NRXN3: variants seen among roughly 807,000 people sequenced by gnomAD.
NRXN3 encodes the protein neurexin III.
NRXN3 carries 32 observed loss-of-function variants against 137.6 expected under a neutral mutation model. The ratio of observed to expected loss-of-function variants is 0.23; its 90% confidence interval spans 0.18 to 0.31. The LOEUF (loss-of-function observed/expected upper bound fraction) is 0.31, where lower values mean the gene tolerates loss of function less well. Among genes scored for constraint, NRXN3 ranks in the 10% least tolerant of loss-of-function variants. NRXN3 has a pLI of 1.00. For synonymous variants in NRXN3, 798 were observed against 784.5 expected, an observed-to-expected ratio of 1.02 and a Z score of -0.29; for missense variants, 1,574 against 2,062.5, an observed-to-expected ratio of 0.76 and a Z score of 4.59.
chr14:78,661,234 G>C (rs1027622833), intron 6 of NRXN3, among the ~76,000 whole-genome samples: 4 of 152,162 alleles, frequency 2.6e-5, no homozygotes, highest in Admixed American at 6.5e-5. Context: ...CACTAATTAA[G>C]AGCACTAAGA....
chr14:78,526,771 C>A (rs1223027583), intron 4 of NRXN3: 2 of 517,560 alleles, frequency 3.9e-6, no homozygotes, highest in Non-Finnish European at 7.7e-6. Context: ...GACAGGAAAG[C>A]TGAGTTGGAC....
At chr14:78,234,110 G>A (rs2065849058) in intron 1 of NRXN3, among the ~76,000 whole-genome samples, 1 of 152,186 alleles carries the variant, frequency 6.6e-6, no homozygotes, top group South Asian at 2.1e-4. Flanking sequence ...CTGCCCCAAT[G>A]TAAGATGTCC....
intron 2 of NRXN3, among the ~76,000 whole-genome samples, chr14:78,246,443 C>A (rs993415897): frequency 2.0e-5 from 3 of 152,104 alleles, no homozygotes; most frequent in Non-Finnish European, 2.9e-5. Flanking sequence ...CTGTAGAAGG[C>A]AAACACACAT....
chr14:78,798,310 A>G (rs1379805354), intron 8 of NRXN3, among the ~76,000 whole-genome samples: 1 of 152,222 alleles, frequency 6.6e-6, no homozygotes, highest in Non-Finnish European at 1.5e-5. Flanking sequence ...TACAGGCTCC[A>G]TTCAAGTCCC....
At position 78,403,804 on chromosome 14, in the gene NRXN3, C is replaced by A. The variant is rs180818834; in HGVS notation, c.757+105944C>A. On this transcript the variant is annotated intron_variant, in intron 4 of 20. Transcript: ENST00000335750. ...GTCCCTCTCTTCGTTGTTTCTGCCC[C>A]CTGAGGTTGTGCTTTCTCAGGGATA... The A allele has an allele frequency of 8.8e-3, 8,718 of 985,398 alleles. 44 individuals carry two copies. The highest frequency in any genetic ancestry group is 0.011 in the Admixed American group (173 of 16,268). The allele number at this position is 985,398 out of a possible 1,614,324, so 61.0% of individuals were successfully genotyped here.
intron 15 of NRXN3, among the ~76,000 whole-genome samples, chr14:79,388,600 C>T (rs909914516): frequency 6.6e-6 from 1 of 152,048 alleles, no homozygotes. Flanking sequence ...CAGGCAGGCT[C>T]ACAGCCCTCG....
intron 5 of NRXN3, among the ~76,000 whole-genome samples, chr14:78,650,348 T>A (rs2097728784): frequency 1.3e-5 from 2 of 152,190 alleles, no homozygotes; most frequent in South Asian, 4.1e-4. Context: ...TGAGGCCCCA[T>A]CGTTTCTCTC....
At chr14:78,601,487 G>A (rs1305914941) in intron 4 of NRXN3, among the ~76,000 whole-genome samples, 1 of 149,290 alleles carries the variant, frequency 6.7e-6, no homozygotes, top group Non-Finnish European at 1.5e-5. Context: ...GAATCTCACT[G>A]TGTTGCCCAG....
At position 78,967,250 on chromosome 14, in the gene NRXN3, G is replaced by A. The variant is rs151300182; in HGVS notation, c.2820G>A (p.Val940=). 3.4e-4 allele frequency: 541 copies of A among 1,612,042 alleles called. 1 individual carries two copies. Among genetic ancestry groups the A allele is most frequent in the South Asian group, 2.2e-3 (199 of 90,980 alleles). ...TTGACCTCGGAAACGGTCCCAATGTGATCAAAGGCAACAGTGACCGCCCCC... is the reference window on the plus strand; with the variant it reads ...TTGACCTCGGAAACGGTCCCAATGTAATCAAAGGCAACAGTGACCGCCCCC... ...YVFDLGNGPN[V]IKGNSDRPLN... Residue 940 remains valine (V), a synonymous_variant, in exon 13 of 21, where the codon GTG becomes GTA. Transcript: ENST00000335750.
chr14:79,201,515 T>A (rs1158578824), intron 15 of NRXN3: 2 of 152,222 alleles, frequency 1.3e-5, no homozygotes, highest in African/African-American at 4.8e-5. Context: ...CTAGTGGTAT[T>A]AAAACCTCTG....
intron 4 of NRXN3, among the ~76,000 whole-genome samples, chr14:78,419,682 G>A (rs1018804412): frequency 6.6e-6 from 1 of 152,120 alleles, no homozygotes; most frequent in African/African-American, 2.4e-5. Context: ...AGCCCCTTCT[G>A]GTGATTGTGG....
chr14:79,256,453 A>G (rs2076598190), intron 15 of NRXN3, among the ~76,000 whole-genome samples: 1 of 152,212 alleles, frequency 6.6e-6, no homozygotes, highest in Admixed American at 6.5e-5. Flanking sequence ...TGCCAGCTCC[A>G]TGCTACATCA....
chr14:79,678,981 A>T (rs61995220), intron 17 of NRXN3, among the ~76,000 whole-genome samples: 9,253 of 152,116 alleles, frequency 0.061, 331 homozygotes, highest in South Asian at 0.097. Context: ...AATTTTATTC[A>T]TCTAATTTAA....
intron 4 of NRXN3, among the ~76,000 whole-genome samples, chr14:78,501,512 T>A (rs1015603826): frequency 6.6e-6 from 1 of 152,200 alleles, no homozygotes; most frequent in African/African-American, 2.4e-5. Flanking sequence ...TTGGAAGTTA[T>A]GTCCCATCAC....
chr14:79,805,932 TG>T (rs1484150009), intron 20 of NRXN3, among the ~76,000 whole-genome samples: 1 of 152,174 alleles, frequency 6.6e-6, no homozygotes, highest in Admixed American at 6.6e-5. Flanking sequence ...TGATGTTTTA[TG>T]GTCTTTCTTT....
At chr14:79,351,638 A>C (rs2093212152) in intron 15 of NRXN3, among the ~76,000 whole-genome samples, 1 of 152,190 alleles carries the variant, frequency 6.6e-6, no homozygotes, top group Non-Finnish European at 1.5e-5. Context: ...ACAAGTAGCA[A>C]AATGTCTGGA....
chr14:79,745,301 C>A (rs576381613), intron 19 of NRXN3, among the ~76,000 whole-genome samples: 1 of 152,154 alleles, frequency 6.6e-6, no homozygotes, highest in Admixed American at 6.5e-5. Context: ...GATGCCAGAT[C>A]CTGAAATGAC....
At chr14:79,069,986 T>C (rs2099685539) in intron 15 of NRXN3, among the ~76,000 whole-genome samples, 1 of 152,188 alleles carries the variant, frequency 6.6e-6, no homozygotes. Flanking sequence ...TCAACATTTT[T>C]CCTTTTTACC....
At chr14:78,734,262 A>T (rs954250382) in intron 8 of NRXN3, among the ~76,000 whole-genome samples, 1 of 149,636 alleles carries the variant, frequency 6.7e-6, no homozygotes, top group African/African-American at 2.5e-5. Flanking sequence ...CACCCTTTTC[A>T]TCTTACTAAT....
Sources: allele counts gnomAD v4.1 joint callset (sites outside exome capture counted in the v4.1 genomes callset), GRCh38; gene constraint gnomAD v4.1.1; transcripts MANE v1.5; gene names NCBI Gene and HGNC (gene_info 2026-07-23, HGNC 2026-07-21).